The following ADGRV1 variants were observed in gnomAD, a reference collection of about 807,000 sequenced individuals.
The protein encoded by ADGRV1 is adhesion G protein-coupled receptor V1, also known as G-protein coupled receptor 98.
ADGRV1 carries 359 observed loss-of-function variants against 596.2 expected under a neutral mutation model. The ratio of observed to expected loss-of-function variants is 0.60; its 90% CI spans 0.55 to 0.66. ADGRV1 has a LOEUF of 0.66. ADGRV1 is among the 30% of genes least tolerant of loss of function. ADGRV1 has a pLI of 0.00. For missense variants in ADGRV1, 7,274 were observed against 7,575.6 expected (o/e 0.96, Z 1.48); for synonymous variants, 2,681 against 2,679.2 (o/e 1.00, Z -0.02).
intron 85 of ADGRV1, chr5:91,031,105 G>T: frequency 1.4e-6 from 2 of 1,391,610 alleles, no homozygotes; most frequent in Non-Finnish European, 2.0e-6. Flanking sequence ...TTTGGGATCA[G>T]CTCTTGTACA....
intron 85 of ADGRV1, among the ~76,000 whole-genome samples, chr5:91,053,742 C>T (rs2151317924): frequency 6.6e-6 from 1 of 152,278 alleles, no homozygotes; most frequent in Non-Finnish European, 1.5e-5. Context: ...TGCGCTCCAG[C>T]CAAACTCCAG....
chr5:90,974,188 T>G (rs978385565), intron 84 of ADGRV1, among the ~76,000 whole-genome samples: 11 of 151,900 alleles, frequency 7.2e-5, no homozygotes, highest in African/African-American at 1.2e-4. Context: ...CACTGCTCAA[T>G]GAAATAAAAG....
At chr5:90,994,312 C>T (rs1285636191) in intron 85 of ADGRV1, among the ~76,000 whole-genome samples, 1 of 152,174 alleles carries the variant, frequency 6.6e-6, no homozygotes, top group Non-Finnish European at 1.5e-5. Context: ...ATCTGCCCAT[C>T]TCTGCCTCCC....
At chr5:90,688,976 A>G (rs1395605186) in intron 29 of ADGRV1, among the ~76,000 whole-genome samples, 1 of 152,280 alleles carries the variant, frequency 6.6e-6, no homozygotes, top group South Asian at 2.1e-4. Flanking sequence ...TCATTGCCAG[A>G]TGTATATATA....
intron 76 of ADGRV1, among the ~76,000 whole-genome samples, chr5:90,828,492 T>A (rs1320783589): frequency 6.6e-6 from 1 of 152,118 alleles, no homozygotes; most frequent in African/African-American, 2.4e-5. Flanking sequence ...ATAGTAAGCT[T>A]TATGTAGTTT....
At position 90,783,922 on chromosome 5, in the gene ADGRV1, A is replaced by C; in HGVS notation, c.13518A>C (p.Ile4506=). The C allele has an allele frequency of 6.2e-7, 1 of 1,612,458 alleles. No homozygotes were observed. Among genetic ancestry groups the C allele is most frequent in the Non-Finnish European group, 8.5e-7 (1 of 1,179,300 alleles). Residue 4506 remains isoleucine, a synonymous_variant, in exon 67 of 90, where the codon ATA becomes ATC. Coordinates refer to ENST00000405460, the MANE Select transcript of ADGRV1 (RefSeq NM_032119.4). The part of the protein sequence containing the change: ...VLGRHLVSRI[I]IAKSDSPFGV... The stretch of plus-strand genomic sequence containing the variant: ...GGCGCCACCTAGTGAGCAGAATCAT[A>C]ATAGCTAAGAGTGACTCTCCCTTTG...
At chr5:91,124,488 C>T (rs1217499638) in intron 87 of ADGRV1, among the ~76,000 whole-genome samples, 1 of 152,112 alleles carries the variant, frequency 6.6e-6, no homozygotes, top group African/African-American at 2.4e-5. Flanking sequence ...AATTTGCTTG[C>T]CTAACATCAC....
intron 83 of ADGRV1, among the ~76,000 whole-genome samples, chr5:90,956,322 A>C (rs1777476263): frequency 6.6e-6 from 1 of 152,176 alleles, no homozygotes; most frequent in Non-Finnish European, 1.5e-5. Context: ...TGAAAAAATG[A>C]ACATGGTTTT....
At chr5:90,776,074 T>C (rs1180475072) in intron 60 of ADGRV1, among the ~76,000 whole-genome samples, 2 of 152,186 alleles carry the variant, frequency 1.3e-5, no homozygotes, top group Non-Finnish European at 1.5e-5. Flanking sequence ...CCAAGAAATC[T>C]TGCTTTTGCC....
At chr5:90,710,942 T>G in intron 39 of ADGRV1, 39 bp from the exon 40 acceptor site, 1 of 1,181,244 alleles carries the variant, frequency 8.5e-7, no homozygotes, top group Non-Finnish European at 1.2e-6. Flanking sequence ...TTTTTAATCA[T>G]TTATATGTAT....
In ADGRV1 at chr5:90,985,385, C is replaced by T; in HGVS notation, c.18015C>T (p.His6005=). 6.2e-7 allele frequency: 1 copy of T among 1,613,524 alleles called. No homozygotes were observed. Among genetic ancestry groups the T allele is most frequent in the Non-Finnish European group, 8.5e-7 (1 of 1,179,652 alleles). The change falls in exon 85 of 90, where the codon CAC becomes CAT. Residue 6005 remains histidine, a synonymous_variant. Transcript: ENST00000405460. The part of the protein sequence containing the change: ...FWYVLVMNDE[H]TERRYLLFFL... ...ACGTGCTGGTGATGAATGATGAGCA[C>T]ACAGAGAGGCGATATCTGCTGTTTT...
intron 87 of ADGRV1, among the ~76,000 whole-genome samples, chr5:91,110,366 G>A (rs116584998): frequency 1.7e-3 from 253 of 152,304 alleles, no homozygotes; most frequent in African/African-American, 4.7e-3. Flanking sequence ...CATCCACTGA[G>A]GTTAGAAGCA....
At chr5:91,020,113 A>T (rs1305655592) in intron 85 of ADGRV1, among the ~76,000 whole-genome samples, 1 of 152,002 alleles carries the variant, frequency 6.6e-6, no homozygotes, top group Non-Finnish European at 1.5e-5. Context: ...TTTCTTCCCC[A>T]TGGATGGCAA....
chr5:90,630,300 A>T (rs1303176082), intron 9 of ADGRV1: 1 of 152,188 alleles, frequency 6.6e-6, no homozygotes, highest in Non-Finnish European at 1.5e-5. Flanking sequence ...CGCCTGGCCC[A>T]AGAAAAATTT....
intron 34 of ADGRV1, among the ~76,000 whole-genome samples, chr5:90,699,866 A>G (rs1172623354): frequency 3.9e-5 from 6 of 152,198 alleles, no homozygotes; most frequent in Admixed American, 3.9e-4. Flanking sequence ...AAGATTATTA[A>G]TTAAAATAAA....
chr5:90,637,999 T>G, intron 11 of ADGRV1, 51 bp downstream of exon 11: 1 of 1,289,318 alleles, frequency 7.8e-7, no homozygotes, highest in Non-Finnish European at 1.1e-6. Context: ...TGAGTTCTCT[T>G]CAATAACTTT....
At chr5:91,013,248 G>A (rs544821512) in intron 85 of ADGRV1, among the ~76,000 whole-genome samples, 3 of 151,190 alleles carry the variant, frequency 2.0e-5, no homozygotes, top group South Asian at 4.2e-4. Context: ...ATACCCAGTT[G>A]AATGATAGAT....
At position 91,042,988 on chromosome 5, in the gene ADGRV1, C is replaced by T. The variant is rs191007989; in HGVS notation, c.18153-29459C>T. ...GCTATATTTCGAGCCAGTAGTAACC[C>T]CAAGCATTTTTATTAATGTTTGCTC... On this transcript the variant is annotated intron_variant, in intron 85 of 89. Transcript: ENST00000405460. Among the ~76,000 whole-genome samples the T allele has an allele frequency of 2.6e-5, 4 of 152,116 alleles. No homozygotes were observed. In the South Asian group the frequency reaches 8.3e-4, roughly 32 times the overall value.
chr5:90,787,791 A>C (rs1383842682), intron 67 of ADGRV1, among the ~76,000 whole-genome samples: 2 of 151,538 alleles, frequency 1.3e-5, no homozygotes, highest in Admixed American at 6.6e-5. Flanking sequence ...GGGTTTCACC[A>C]TGTTGGCCAG....
Sources: allele counts gnomAD v4.1 joint callset (sites outside exome capture counted in the v4.1 genomes callset), GRCh38; gene constraint gnomAD v4.1.1; transcripts MANE v1.5; gene names NCBI Gene and HGNC (gene_info 2026-07-23, HGNC 2026-07-21).